Variants in IGF2BP2 observed in about 807,000 individuals in gnomAD.
The protein encoded by IGF2BP2 is insulin like growth factor 2 mRNA binding protein 2.
IGF2BP2 carries 17 observed loss-of-function variants against 75.8 expected under a neutral mutation model. That is an observed-to-expected ratio of 0.22 (90% confidence interval 0.15 to 0.34). IGF2BP2 has a LOEUF of 0.34. Ranked by LOEUF, IGF2BP2 falls within the 10% of genes least tolerant of loss-of-function variation. The probability of loss-of-function intolerance (pLI) is 1.00; values close to 1 mark genes in which losing one functional copy is unlikely to be tolerated. For synonymous variants in IGF2BP2, 288 were observed against 295.6 expected (o/e 0.97, Z 0.26); for missense variants, 516 against 772.4 (o/e 0.67, Z 3.93).
At chr3:185,667,247 A>T (rs1360272552) in intron 10 of IGF2BP2, among the ~76,000 whole-genome samples, 1 of 137,686 alleles carries the variant, frequency 7.3e-6, no homozygotes, top group Admixed American at 7.2e-5. Context: ...ATCTCAGTAT[A>T]AGTCAAGATA....
At chr3:185,801,469 A>G (rs1305607739) in intron 2 of IGF2BP2, among the ~76,000 whole-genome samples, 2 of 150,132 alleles carry the variant, frequency 1.3e-5, no homozygotes, top group Non-Finnish European at 3.0e-5. Context: ...AGCCTGGGCA[A>G]CAAGAGCAAA....
intron 2 of IGF2BP2, among the ~76,000 whole-genome samples, chr3:185,756,219 CAT>C (rs1731595081): frequency 6.6e-6 from 1 of 152,124 alleles, no homozygotes; most frequent in African/African-American, 2.4e-5. Flanking sequence ...ATGCTCTTGC[CAT>C]ATGACACGCC....
intron 2 of IGF2BP2, among the ~76,000 whole-genome samples, chr3:185,738,642 A>G (rs1729152878): frequency 6.6e-6 from 1 of 152,206 alleles, no homozygotes; most frequent in Non-Finnish European, 1.5e-5. Flanking sequence ...TTCAGGGCTA[A>G]GCCTCACTGG....
intron 2 of IGF2BP2, among the ~76,000 whole-genome samples, chr3:185,704,376 A>C (rs1450457085): frequency 6.6e-6 from 1 of 152,204 alleles, no homozygotes; most frequent in Admixed American, 6.5e-5. Context: ...ATCCTGTGCT[A>C]AACTGAACTA....
intron 7 of IGF2BP2, among the ~76,000 whole-genome samples, chr3:185,682,500 TTTAGTATTCTG>T (rs1427327965): frequency 2.0e-5 from 3 of 152,226 alleles, no homozygotes; most frequent in African/African-American, 7.2e-5. Flanking sequence ...TTATCCGGTC[TTTAGTATTCTG>T]TTACAGTAGC....
intron 2 of IGF2BP2, among the ~76,000 whole-genome samples, chr3:185,727,564 GA>G (rs1727530181): frequency 6.6e-6 from 1 of 152,168 alleles, no homozygotes; most frequent in Non-Finnish European, 1.5e-5. Flanking sequence ...ATGGTTTTGT[GA>G]AAAAGACTTT....
intron 10 of IGF2BP2, among the ~76,000 whole-genome samples, chr3:185,666,432 A>C (rs1717642158): frequency 6.6e-6 from 1 of 152,164 alleles, no homozygotes; most frequent in South Asian, 2.1e-4. Flanking sequence ...TCAGGAGTTC[A>C]AGGCCAGCCT....
intron 2 of IGF2BP2, among the ~76,000 whole-genome samples, chr3:185,719,620 G>A (rs1265849085): frequency 6.6e-6 from 1 of 152,174 alleles, no homozygotes; most frequent in Non-Finnish European, 1.5e-5. Flanking sequence ...GATCACCTGA[G>A]GTCAGGAGTT....
At chr3:185,783,126 TATC>T (rs1489555702) in intron 2 of IGF2BP2, among the ~76,000 whole-genome samples, 3 of 152,318 alleles carry the variant, frequency 2.0e-5, no homozygotes, top group Non-Finnish European at 4.4e-5. Flanking sequence ...GATTAAAGGT[TATC>T]ATATATATGA....
intron 7 of IGF2BP2, among the ~76,000 whole-genome samples, chr3:185,677,909 G>T (rs1577935663): frequency 6.6e-6 from 1 of 152,258 alleles, no homozygotes; most frequent in Admixed American, 6.6e-5. Context: ...AAATCTTCAA[G>T]TTAGAGGATT....
chr3:185,700,460 T>C (rs1462457106), intron 2 of IGF2BP2, among the ~76,000 whole-genome samples: 1 of 152,172 alleles, frequency 6.6e-6, no homozygotes, highest in Non-Finnish European at 1.5e-5. Flanking sequence ...CAAGAACTAA[T>C]TTCTACCTCT....
intron 2 of IGF2BP2, among the ~76,000 whole-genome samples, chr3:185,800,450 A>T (rs1463335074): frequency 2.0e-5 from 3 of 152,100 alleles, no homozygotes; most frequent in Admixed American, 6.6e-5. Context: ...AAAATAAAAA[A>T]AAGTACTTGC....
At chr3:185,803,357 AT>A in intron 2 of IGF2BP2, among the ~76,000 whole-genome samples, 1 of 152,360 alleles carries the variant, frequency 6.6e-6, no homozygotes, top group Non-Finnish European at 1.5e-5. Flanking sequence ...TCTCAAAAAA[AT>A]AAACAAAATA....
chr3:185,768,328 G>C (rs1733373869), intron 2 of IGF2BP2, among the ~76,000 whole-genome samples: 1 of 152,160 alleles, frequency 6.6e-6, no homozygotes, highest in Non-Finnish European at 1.5e-5. Context: ...GAAGAACCTG[G>C]GCGACATGAG....
intron 2 of IGF2BP2, chr3:185,820,982 T>C (rs1436411607): frequency 5.9e-6 from 9 of 1,533,822 alleles, no homozygotes; most frequent in Non-Finnish European, 7.9e-6. Context: ...CCATATAACA[T>C]AAAAGCTTTG....
chr3:185,799,861 ACAGTGTAG>A (rs1737970189), intron 2 of IGF2BP2, among the ~76,000 whole-genome samples: 1 of 152,228 alleles, frequency 6.6e-6, no homozygotes, highest in African/African-American at 2.4e-5. Context: ...ATTGTGGAAG[ACAGTGTAG>A]CAATTCCTCA....
intron 7 of IGF2BP2, among the ~76,000 whole-genome samples, chr3:185,679,702 C>G (rs1001333620): frequency 6.6e-6 from 1 of 152,118 alleles, no homozygotes; most frequent in African/African-American, 2.4e-5. Flanking sequence ...CTGTAACCTC[C>G]ACCTCCCAGG....
intron 2 of IGF2BP2, chr3:185,820,998 A>G (rs1481540690): frequency 6.5e-7 from 1 of 1,535,152 alleles, no homozygotes; most frequent in South Asian, 1.2e-5. Context: ...CTTTGGTTTC[A>G]AATGTCACAG....
At chr3:185,678,971 A>G (rs1017819573) in intron 7 of IGF2BP2, among the ~76,000 whole-genome samples, 2 of 152,142 alleles carry the variant, frequency 1.3e-5, no homozygotes, top group African/African-American at 2.4e-5. Flanking sequence ...ATTTGCATGG[A>G]GTATCTTTTT....
Sources: allele counts gnomAD v4.1 joint callset (sites outside exome capture counted in the v4.1 genomes callset), GRCh38; gene constraint gnomAD v4.1.1; transcripts MANE v1.5; gene names NCBI Gene and HGNC (gene_info 2026-07-23, HGNC 2026-07-21).